Variants in GRM1 observed in about 807,000 individuals in gnomAD.
The protein encoded by GRM1 is glutamate metabotropic receptor 1.
In GRM1, 33 loss-of-function variants were observed where a neutral mutation model predicts 90.9. The ratio of observed to expected loss-of-function variants is 0.36; its 90% CI spans 0.28 to 0.49. The LOEUF is 0.49. Ranked by LOEUF, GRM1 falls within the 20% of genes least tolerant of loss-of-function variation. GRM1 has a pLI of 0.99. For synonymous variants in GRM1, 700 were observed against 613.2 expected (o/e 1.14, Z -2.09); for missense variants, 1,190 against 1,534.3 (o/e 0.78, Z 3.75).
At position 146,429,049 on chromosome 6, in the gene GRM1, C is replaced by T. The variant is rs144054148; in HGVS notation, c.2661-4823C>T. Among the ~76,000 whole-genome samples, 588 of 152,094 alleles carry T rather than the reference C, an allele frequency of 3.9e-3. 14 individuals are homozygous for T. The East Asian group carries it at 0.071, about 18-fold the overall frequency. On this transcript the variant is annotated intron_variant, in intron 7 of 7. Transcript: ENST00000282753. The stretch of plus-strand genomic sequence containing the variant: ...CTTTGTATTGTCTTTTATCTAGTGT[C>T]ATATAACTTGAGGATGTAGGATGTA...
At chr6:146,286,438 A>G (rs767473462) in intron 2 of GRM1, among the ~76,000 whole-genome samples, 11 of 152,212 alleles carry the variant, frequency 7.2e-5, no homozygotes, top group Non-Finnish European at 1.0e-4. Flanking sequence ...AATTGATTAG[A>G]TTAGATTGGA....
chr6:146,043,811 A>ATAGATATATATATAT (rs1554260501), intron 1 of GRM1, among the ~76,000 whole-genome samples: 2 of 145,592 alleles, frequency 1.4e-5, no homozygotes, highest in African/African-American at 2.5e-5. Flanking sequence ...ATATATATAT[A>ATAGATATATATATAT]AAGGGAAGTG....
chr6:146,225,607 G>T (rs140989415), intron 2 of GRM1, among the ~76,000 whole-genome samples: 3 of 151,912 alleles, frequency 2.0e-5, no homozygotes, highest in Non-Finnish European at 4.4e-5. Flanking sequence ...TAACACTCAG[G>T]TATAGTAGCC....
chr6:146,173,470 T>C (rs1158897604), intron 2 of GRM1, among the ~76,000 whole-genome samples: 1 of 151,548 alleles, frequency 6.6e-6, no homozygotes, highest in Non-Finnish European at 1.5e-5. Context: ...AAACTCTTGA[T>C]TCTTCCAATC....
chr6:146,040,119 A>G (rs1791043479), intron 1 of GRM1, among the ~76,000 whole-genome samples: 1 of 151,992 alleles, frequency 6.6e-6, no homozygotes, highest in Admixed American at 6.6e-5. Flanking sequence ...GAAAGAGTCT[A>G]CAGAAAAGGG....
chr6:146,178,907 T>C (rs148972614), intron 2 of GRM1, among the ~76,000 whole-genome samples: 92 of 152,298 alleles, frequency 6.0e-4, no homozygotes, highest in South Asian at 2.1e-3. Flanking sequence ...ATCCCTGTGA[T>C]TTAATTCAAA....
intron 2 of GRM1, among the ~76,000 whole-genome samples, chr6:146,262,750 A>G (rs1781748423): frequency 6.6e-6 from 1 of 151,944 alleles, no homozygotes; most frequent in Non-Finnish European, 1.5e-5. Flanking sequence ...TGATGTGGGC[A>G]AATGACATGA....
intron 2 of GRM1, among the ~76,000 whole-genome samples, chr6:146,253,703 T>G (rs1463809527): frequency 1.3e-5 from 2 of 152,178 alleles, no homozygotes; most frequent in Admixed American, 6.5e-5. Flanking sequence ...TCCTGAACTT[T>G]TTCCTGAAGT....
At position 146,227,916 on chromosome 6, in the gene GRM1, A is replaced by G. The variant is rs886860987; in HGVS notation, c.950+68319A>G. On this transcript the variant is annotated intron_variant, in intron 2 of 7. Transcript: ENST00000282753. ...AACAATTTATTCAGTTTTAGAGGGC[A>G]TTATTATGAGTTCATTAGATTTCTA... 3.9e-5 allele frequency among the ~76,000 whole-genome samples: 6 copies of G among 152,184 alleles called. No individual in the cohort carries two copies. The East Asian group carries it at 9.6e-4, about 24-fold the overall frequency.
intron 3 of GRM1, among the ~76,000 whole-genome samples, chr6:146,327,250 T>C (rs1784426505): frequency 6.6e-6 from 1 of 152,186 alleles, no homozygotes; most frequent in African/African-American, 2.4e-5. Context: ...CTTATGACTT[T>C]TTAAAATATG....
At chr6:146,174,562 T>G (rs1778263512) in intron 2 of GRM1, among the ~76,000 whole-genome samples, 1 of 152,240 alleles carries the variant, frequency 6.6e-6, no homozygotes, top group Non-Finnish European at 1.5e-5. Flanking sequence ...ATCTATGTAC[T>G]GAGTTTGGTC....
At chr6:146,290,822 T>C (rs1461160259) in intron 2 of GRM1, among the ~76,000 whole-genome samples, 1 of 152,096 alleles carries the variant, frequency 6.6e-6, no homozygotes, top group African/African-American at 2.4e-5. Flanking sequence ...CCTGGGAATA[T>C]TGAGTTGAAG....
rs770429341 is a variant in GRM1, at chr6:146,434,358, C to A, written c.3147C>A (p.His1049Gln). The A allele has an allele frequency of 6.2e-7, 1 of 1,612,466 alleles. No homozygotes were observed. The highest frequency in any genetic ancestry group is 1.3e-5 in the African/African-American group (1 of 74,924). Reference sequence around the variant, plus strand: ...TCAGTACCGCGATCCCGGATTTTCACGCGGTGCTGGCAGGCCCCGGTGGTC... The same window carrying A: ...TCAGTACCGCGATCCCGGATTTTCAAGCGGTGCTGGCAGGCCCCGGTGGTC... ...SNFSTAIPDFHAVLAGPGGPG... is the reference protein window; with the variant it reads ...SNFSTAIPDFQAVLAGPGGPG... The change falls in exon 8 of 8, where the codon CAC becomes CAA. Residue 1049 changes from histidine (H) to glutamine (Q), a missense_variant. By Grantham distance (24) the His-to-Gln change is conservative. Transcript: ENST00000282753.
chr6:146,380,967 C>A (rs889896379), intron 5 of GRM1, among the ~76,000 whole-genome samples: 3 of 152,152 alleles, frequency 2.0e-5, no homozygotes, highest in African/African-American at 7.2e-5. Context: ...GGTGCCCTAT[C>A]CTGCTGTGGC....
At chr6:146,430,253 G>A (rs1318075355) in intron 7 of GRM1, among the ~76,000 whole-genome samples, 3 of 152,232 alleles carry the variant, frequency 2.0e-5, no homozygotes, top group Admixed American at 6.5e-5. Flanking sequence ...ACCAAAGCAA[G>A]ATCCCGAACC....
chr6:146,272,583 A>G (rs1782206092), intron 2 of GRM1, among the ~76,000 whole-genome samples: 2 of 152,222 alleles, frequency 1.3e-5, no homozygotes, highest in Admixed American at 1.3e-4. Context: ...TACATTAGGA[A>G]CACCATGAGA....
chr6:146,288,830 T>C (rs6909071), intron 2 of GRM1, among the ~76,000 whole-genome samples: 34,440 of 152,030 alleles, frequency 0.23, 8,157 homozygotes, highest in African/African-American at 0.6. Flanking sequence ...AATAATGGAC[T>C]ATGTATACTA....
Position 146,076,631 on chromosome 6 carries a change from G to A in GRM1, c.700+46414G>A, listed in dbSNP as rs572779692. Among the ~76,000 whole-genome samples the A allele has an allele frequency of 4.9e-4, 74 of 152,298 alleles. 1 individual carries two copies. Among genetic ancestry groups the A allele is most frequent in the Non-Finnish European group, 9.0e-4 (61 of 68,012 alleles). ...TGAGTGATATGCAGAAGCCAGTGGAGCAAGTTTGGAGGCAGGATTAGAAGC... is the reference window on the plus strand; with the variant it reads ...TGAGTGATATGCAGAAGCCAGTGGAACAAGTTTGGAGGCAGGATTAGAAGC... On this transcript the variant is annotated intron_variant, in intron 1 of 7. Coordinates refer to ENST00000282753, the MANE Select transcript of GRM1 (RefSeq NM_001278064.2).
intron 3 of GRM1, among the ~76,000 whole-genome samples, chr6:146,317,313 TC>T (rs1000485076): frequency 3.3e-5 from 5 of 152,220 alleles, no homozygotes; most frequent in African/African-American, 1.2e-4. Flanking sequence ...TTTTTCTACT[TC>T]CTTGCCTAAA....
Sources: gnomAD v4.1 joint callset for allele counts (sites outside exome capture counted in the v4.1 genomes callset) on GRCh38, gnomAD v4.1.1 for gene constraint, MANE v1.5 for transcripts, NCBI Gene and HGNC (gene_info 2026-07-23, HGNC 2026-07-21) for gene names.